Variants in AGT observed in about 807,000 individuals in gnomAD.
AGT encodes angiotensinogen.
AGT carries 26 observed loss-of-function variants against 28.1 expected under a neutral mutation model. The observed-to-expected ratio is 0.92, with a 90% CI of 0.68 to 1.28. The LOEUF (loss-of-function observed/expected upper bound fraction) is 1.28. Among genes scored for constraint, AGT ranks in the 50% most tolerant of loss-of-function variants. The pLI, the probability that AGT is intolerant of heterozygous loss-of-function variation, is 0.00. For synonymous variants in AGT, 259 were observed against 259.6 expected (o/e 1.00, Z 0.02); for missense variants, 596 against 592.3 (o/e 1.01, Z -0.06).
upstream of AGT, among the ~76,000 whole-genome samples, chr1:230,717,174 TA>T (rs1483248279): frequency 2.0e-5 from 3 of 151,256 alleles, no homozygotes; most frequent in Admixed American, 2.0e-4. Context: ...AGCAATTGTT[TA>T]AAGTATAGCT....
chr1:230,742,050 C>A (rs934469592), intron 1 of AGT, among the ~76,000 whole-genome samples: 2 of 151,766 alleles, frequency 1.3e-5, no homozygotes, highest in African/African-American at 4.8e-5. Context: ...AGCAAGACTC[C>A]GACTCTAAAA....
upstream of AGT, among the ~76,000 whole-genome samples, chr1:230,715,765 A>G (rs977443641): frequency 3.3e-5 from 5 of 152,170 alleles, no homozygotes; most frequent in Non-Finnish European, 2.9e-5. Context: ...TCGGCTCTTT[A>G]AAGCCTCACA....
At chr1:230,738,737 T>C (rs1384323616) in intron 1 of AGT, among the ~76,000 whole-genome samples, 1 of 152,106 alleles carries the variant, frequency 6.6e-6, no homozygotes, top group African/African-American at 2.4e-5. Flanking sequence ...ATGAGATGCA[T>C]AAAGAGATGC....
At chr1:230,731,478 A>G (rs1055666012) in intron 1 of AGT, among the ~76,000 whole-genome samples, 4 of 152,198 alleles carry the variant, frequency 2.6e-5, no homozygotes, top group African/African-American at 9.7e-5. Context: ...AGTCACTTAC[A>G]CGACCTGGCT....
At chr1:230,733,099 T>C (rs1330169013) in intron 1 of AGT, among the ~76,000 whole-genome samples, 1 of 151,756 alleles carries the variant, frequency 6.6e-6, no homozygotes, top group Non-Finnish European at 1.5e-5. Flanking sequence ...CCAACCAACA[T>C]GGAGAAACCT....
At chr1:230,721,353 C>T (rs1663839399) in intron 1 of AGT, among the ~76,000 whole-genome samples, 1 of 152,190 alleles carries the variant, frequency 6.6e-6, no homozygotes, top group South Asian at 2.1e-4. Flanking sequence ...TGATAGAAAA[C>T]ACCTGGGTTT....
chr1:230,706,529 C>T (rs1663392122), intron 2 of AGT, among the ~76,000 whole-genome samples: 1 of 152,192 alleles, frequency 6.6e-6, no homozygotes, highest in Non-Finnish European at 1.5e-5. Flanking sequence ...TCAACTCAAA[C>T]CTAGAACTGT....
At position 230,733,278 on chromosome 1, in the gene AGT, C is replaced by T. The variant is rs115349252; in HGVS notation, c.-31+12237G>A. Among the ~76,000 whole-genome samples, 498 of 150,998 alleles carry T rather than the reference C, an allele frequency of 3.3e-3. 4 individuals are homozygous for T. The highest frequency in any genetic ancestry group is 0.011 in the African/African-American group (437 of 41,370). ...AGCGTGGGCAACAAGATCTAAACTCCGTCTCAAAAACAAACAAACAAAAAA... is the reference window on the plus strand; with the variant it reads ...AGCGTGGGCAACAAGATCTAAACTCTGTCTCAAAAACAAACAAACAAAAAA... On this transcript the variant is annotated intron_variant, in intron 1 of 4. Coordinates refer to the AGT transcript ENST00000681269.
intron 3 of AGT, 99 bp downstream of exon 3, chr1:230,705,834 C>T: frequency 6.6e-7 from 1 of 1,522,526 alleles, no homozygotes; most frequent in Non-Finnish European, 9.1e-7. Flanking sequence ...CTGCTCTGCA[C>T]CCAAGGCTCA....
intron 2 of AGT, among the ~76,000 whole-genome samples, chr1:230,707,262 TC>T (rs1269341654): frequency 1.3e-5 from 2 of 152,306 alleles, no homozygotes; most frequent in East Asian, 3.9e-4. Flanking sequence ...CACTAGCACA[TC>T]CCTGCCCTCG....
chr1:230,710,610 C>A lies in AGT; in HGVS notation c.214G>T (p.Glu72Ter). The A allele has an allele frequency of 1.2e-6, 2 of 1,614,258 alleles. No individual in the cohort carries two copies. Among genetic ancestry groups the A allele is most frequent in the Non-Finnish European group, 1.7e-6 (2 of 1,180,050 alleles). The change falls in exon 2 of 5, where the codon GAA becomes TAA. Residue 72 changes from glutamate (E) to a stop codon, truncating the protein, a stop_gained. Coordinates refer to ENST00000366667, the MANE Select transcript of AGT (RefSeq NM_001384479.1). LOFTEE classifies it high-confidence loss of function. ...ACCAGCTGGTCCTGTAGGGCCTTTT[C>A]ATCCACAGGGGATGTCTTGGCCTGA... is the stretch of plus-strand genomic sequence containing the variant. Reference protein sequence around the residue: ...PIQAKTSPVDEKALQDQLVLV... With the variant: ...PIQAKTSPVD
Position 230,710,810 on chromosome 1 carries a change from C to T in AGT, c.14G>A (p.Gly5Asp). 6.2e-7 allele frequency: 1 copy of T among 1,614,028 alleles called. No individual in the cohort carries two copies. Among genetic ancestry groups the T allele is most frequent in the Non-Finnish European group, 8.5e-7 (1 of 1,180,014 alleles). MAPA[G>D]VSLRATILCL... ...GAGGATGGTGGCCCTCAGGCTCACACCGGCAGGAGCCATCTCAGACTGGGG... is the reference window on the plus strand; with the variant it reads ...GAGGATGGTGGCCCTCAGGCTCACATCGGCAGGAGCCATCTCAGACTGGGG... The change falls in exon 2 of 5, where the codon GGT becomes GAT. Residue 5 changes from glycine (G) to aspartate (D), a missense_variant. Gly to Asp is a moderately conservative substitution (Grantham distance 94, BLOSUM62 -1). Coordinates refer to ENST00000366667, the MANE Select transcript of AGT (RefSeq NM_001384479.1).
chr1:230,732,508 A>T (rs1295127652), intron 1 of AGT, among the ~76,000 whole-genome samples: 1 of 152,130 alleles, frequency 6.6e-6, no homozygotes, highest in Non-Finnish European at 1.5e-5. Context: ...CGCAGTTGAA[A>T]ATGCAAGAAT....
At chr1:230,734,381 G>T (rs1186978553) in intron 1 of AGT, among the ~76,000 whole-genome samples, 1 of 151,944 alleles carries the variant, frequency 6.6e-6, no homozygotes, top group East Asian at 1.9e-4. Context: ...GTTTCCAGGG[G>T]CTGGGGGAGG....
intron 4 of AGT, among the ~76,000 whole-genome samples, chr1:230,703,563 G>A (rs187483077): frequency 2.6e-5 from 4 of 152,168 alleles, no homozygotes; most frequent in African/African-American, 7.2e-5. Context: ...CTCACATGCC[G>A]GCTCCTCCCT....
chr1:230,739,853 G>A (rs2102807317), intron 1 of AGT, among the ~76,000 whole-genome samples: 1 of 152,260 alleles, frequency 6.6e-6, no homozygotes, highest in African/African-American at 2.4e-5. Flanking sequence ...TTACTGGAAA[G>A]GGGTCCTGAT....
chr1:230,729,858 A>G (rs1255875677), intron 1 of AGT, among the ~76,000 whole-genome samples: 4 of 152,026 alleles, frequency 2.6e-5, no homozygotes, highest in Non-Finnish European at 4.4e-5. Context: ...TCTCTATCTT[A>G]TCTTTAAGAA....
At chr1:230,719,400 C>T (rs7512987), upstream of AGT, among the ~76,000 whole-genome samples, 27,101 of 131,190 alleles carry the variant, frequency 0.21, 3,735 homozygotes, top group East Asian at 0.52. Context: ...TTATTATTAT[C>T]ATTATGTTTT....
At chr1:230,717,411 C>T (rs1315584014), upstream of AGT, among the ~76,000 whole-genome samples, 1 of 152,076 alleles carries the variant, frequency 6.6e-6, no homozygotes, top group East Asian at 1.9e-4. Flanking sequence ...CAAAACTAAA[C>T]CAAACCAGGA....
Sources: allele counts gnomAD v4.1 joint callset (sites outside exome capture counted in the v4.1 genomes callset), GRCh38; gene constraint gnomAD v4.1.1; transcripts MANE v1.5; gene names NCBI Gene and HGNC (gene_info 2026-07-23, HGNC 2026-07-21).